Variants in PTPRN2 observed in about 807,000 individuals in gnomAD.
PTPRN2 encodes the protein protein tyrosine phosphatase receptor type N2.
PTPRN2 carries 74 observed loss-of-function variants against 118.8 expected under a neutral mutation model. The observed-to-expected ratio is 0.62, with a 90% CI of 0.52 to 0.76. The LOEUF (loss-of-function observed/expected upper bound fraction) is 0.76. PTPRN2 is among the 30% of genes least tolerant of loss of function. The pLI, the probability that PTPRN2 is intolerant of heterozygous loss-of-function variation, is 0.00. For missense variants in PTPRN2, 1,481 were observed against 1,394.4 expected, an observed-to-expected ratio of 1.06 and a Z score of -0.99; for synonymous variants, 641 against 608.0, an observed-to-expected ratio of 1.05 and a Z score of -0.80.
At chr7:157,713,461 T>C (rs1225260455) in intron 12 of PTPRN2, among the ~76,000 whole-genome samples, 6 of 152,188 alleles carry the variant, frequency 3.9e-5, no homozygotes, top group Admixed American at 3.9e-4. Flanking sequence ...TCCAAGTCTC[T>C]ATCTTTTCTT....
At chr7:158,206,568 G>A (rs73746427) in intron 3 of PTPRN2, among the ~76,000 whole-genome samples, 8 of 151,984 alleles carry the variant, frequency 5.3e-5, no homozygotes, top group South Asian at 2.1e-4. Flanking sequence ...GCTCGGGGAG[G>A]GGGGGAGAGA....
chr7:158,053,168 G>A (rs1563365231), intron 11 of PTPRN2, among the ~76,000 whole-genome samples: 1 of 152,184 alleles, frequency 6.6e-6, no homozygotes, highest in Non-Finnish European at 1.5e-5. Flanking sequence ...AATTTTTATG[G>A]CTGGGGAGAC....
rs575344543 is a variant in PTPRN2, at chr7:158,223,632, T to G, written c.278-18359A>C. Among the ~76,000 whole-genome samples the G allele has an allele frequency of 2.8e-3, 428 of 152,152 alleles. 5 individuals are homozygous for G. The highest frequency in any genetic ancestry group is 9.9e-3 in the African/African-American group (411 of 41,546). On this transcript the variant is annotated intron_variant, in intron 3 of 22. Transcript: ENST00000389418. ...TCAACACTCATTCATGAAGAAAACT[T>G]TCAGAAAAATAGAAATCAAGGGGCA...
chr7:158,363,835 T>C (rs886535844), intron 2 of PTPRN2, among the ~76,000 whole-genome samples: 1 of 151,826 alleles, frequency 6.6e-6, no homozygotes, highest in Admixed American at 6.6e-5. Context: ...GGAGAGGAGG[T>C]GGCCGATGGA....
chr7:158,376,544 C>T (rs1810531694), intron 2 of PTPRN2, among the ~76,000 whole-genome samples: 4 of 105,606 alleles, frequency 3.8e-5, no homozygotes, highest in African/African-American at 7.6e-5. Context: ...GGGACTCTCC[C>T]ACATCCCTGT....
At chr7:157,820,989 C>A (rs1017281820) in intron 12 of PTPRN2, among the ~76,000 whole-genome samples, 1 of 152,042 alleles carries the variant, frequency 6.6e-6, no homozygotes. Context: ...GGAGGGGAGG[C>A]AAGAGTGCAC....
rs1352898294 is a variant in PTPRN2 at position 158,565,015 on chromosome 7, CA to C, written c.112+22542del. 6.6e-6 allele frequency among the ~76,000 whole-genome samples: 1 copy of C among 152,200 alleles called. No homozygotes were observed. Among genetic ancestry groups the C allele is most frequent in the Non-Finnish European group, 1.5e-5 (1 of 68,046 alleles). ...CCCTGCCCCACGTAACGGCTTTACA[CA>C]AACTCTAAAAAGTCATCCCAGCCAT... On this transcript the variant is annotated intron_variant, in intron 1 of 22. Transcript: ENST00000389418. This position sits in a 1 kb window ranked among gnomAD's most constrained non-coding sequence, Gnocchi z 4.6.
intron 17 of PTPRN2, among the ~76,000 whole-genome samples, chr7:157,579,423 A>G (rs923392930): frequency 1.3e-5 from 2 of 152,202 alleles, no homozygotes; most frequent in African/African-American, 4.8e-5. Flanking sequence ...GCTCCTCCAA[A>G]TCGGTTCTTC....
chr7:158,476,780 A>G (rs930892210), intron 2 of PTPRN2, among the ~76,000 whole-genome samples: 1 of 152,250 alleles, frequency 6.6e-6, no homozygotes, highest in African/African-American at 2.4e-5. Context: ...GAGAACGTCA[A>G]TCTGGTTCTG....
chr7:157,890,954 C>T (rs1262637674), intron 12 of PTPRN2, among the ~76,000 whole-genome samples: 2 of 152,248 alleles, frequency 1.3e-5, no homozygotes, highest in African/African-American at 4.8e-5. Context: ...AGAGCAACAA[C>T]AGCTGTCACC....
At chr7:158,402,208 G>T (rs1407003145) in intron 2 of PTPRN2, among the ~76,000 whole-genome samples, 2 of 152,164 alleles carry the variant, frequency 1.3e-5, no homozygotes, top group Non-Finnish European at 2.9e-5. Context: ...CATCTTGTGG[G>T]ACTCAGGGAC....
In PTPRN2 at chr7:157,621,634, G is replaced by A. The variant is rs572284605; in HGVS notation, c.2197-125C>T. ...CATGCCCACCTTGCTCACGAGCCTG[G>A]GCCATGGTGCGACGTTGTGCTACGG... is the stretch of plus-strand genomic sequence containing the variant. On this transcript the variant is annotated intron_variant, in intron 14 of 22. Transcript: ENST00000389418. The A allele has an allele frequency of 4.0e-6, 5 of 1,252,218 alleles. No individual in the cohort carries two copies. The Admixed American group carries it at 5.8e-5, about 14-fold the overall frequency. The allele number at this position is 1,252,218 out of a possible 1,614,324, so 77.6% of individuals were successfully genotyped here.
intron 15 of PTPRN2, among the ~76,000 whole-genome samples, chr7:157,613,843 GC>G (rs1003767780): frequency 2.6e-5 from 4 of 152,166 alleles, no homozygotes; most frequent in South Asian, 2.1e-4. Flanking sequence ...CCGTCCTGCG[GC>G]CCCCCCACAG....
At chr7:158,322,337 C>G (rs935742250) in intron 2 of PTPRN2, among the ~76,000 whole-genome samples, 1 of 152,190 alleles carries the variant, frequency 6.6e-6, no homozygotes, top group African/African-American at 2.4e-5. Context: ...TAATTGTGGA[C>G]AGGCTGCAAA....
chr7:158,082,570 T>C (rs1812922440), intron 10 of PTPRN2, among the ~76,000 whole-genome samples: 1 of 152,196 alleles, frequency 6.6e-6, no homozygotes, highest in Non-Finnish European at 1.5e-5. Context: ...CATGTGGACG[T>C]CTTAGCATCA....
At chr7:158,188,161 T>TGGGAAGGCCGCCACGCTCGCCCCTCGATG (rs1825343607) in intron 5 of PTPRN2, among the ~76,000 whole-genome samples, 1 of 111,044 alleles carries the variant, frequency 9.0e-6, no homozygotes, top group Non-Finnish European at 2.0e-5. Context: ...CCCCCTGTAC[T>TGGGAAGGCCGCCACGCTCGCCCCTCGATG]GGGAAGGCCG....
chr7:158,040,415 C>A (rs1006741431), intron 11 of PTPRN2, among the ~76,000 whole-genome samples: 3 of 126,380 alleles, frequency 2.4e-5, no homozygotes, highest in Admixed American at 8.5e-5. Context: ...CACACACACA[C>A]AAACACACTG....
intron 12 of PTPRN2, among the ~76,000 whole-genome samples, chr7:157,777,190 G>A (rs1223370614): frequency 6.6e-6 from 1 of 152,108 alleles, no homozygotes; most frequent in African/African-American, 2.4e-5. Flanking sequence ...TTTAGAGAAT[G>A]CTTGCATTTT....
At chr7:157,968,578 G>A (rs532897037) in intron 11 of PTPRN2, among the ~76,000 whole-genome samples, 10 of 152,294 alleles carry the variant, frequency 6.6e-5, no homozygotes, top group African/African-American at 1.2e-4. Flanking sequence ...GCATGTCTGC[G>A]ACCACTCAGC....
Sources: gnomAD v4.1 joint callset for allele counts (sites outside exome capture counted in the v4.1 genomes callset) on GRCh38, gnomAD v4.1.1 for gene constraint, Gnocchi (gnomAD v3.1) non-coding constraint, MANE v1.5 for transcripts, NCBI Gene and HGNC (gene_info 2026-07-23, HGNC 2026-07-21) for gene names.